MYO1D: variants seen among roughly 807,000 people sequenced by gnomAD.
MYO1D encodes the protein myosin ID.
MYO1D carries 83 observed loss-of-function variants against 122.0 expected under a neutral mutation model. The observed-to-expected ratio is 0.68, with a 90% CI of 0.57 to 0.82. MYO1D has a LOEUF of 0.82. Among genes scored for constraint, MYO1D ranks in the 40% least tolerant of loss-of-function variants. The probability of loss-of-function intolerance (pLI) is 0.00; values close to 1 mark genes in which losing one functional copy is unlikely to be tolerated. For missense variants in MYO1D, 1,157 were observed against 1,269.5 expected (o/e 0.91, Z 1.35); for synonymous variants, 464 against 446.9 (o/e 1.04, Z -0.48).
intron 1 of MYO1D, among the ~76,000 whole-genome samples, chr17:32,791,505 T>A (rs1235101512): frequency 1.3e-5 from 2 of 151,920 alleles, no homozygotes; most frequent in Non-Finnish European, 2.9e-5. Context: ...TAAGAGAAGA[T>A]CCTTGTTCTT....
intron 21 of MYO1D, among the ~76,000 whole-genome samples, chr17:32,547,344 T>C (rs570491313): frequency 6.6e-6 from 1 of 152,328 alleles, no homozygotes; most frequent in Admixed American, 6.5e-5. Flanking sequence ...TTACATTATG[T>C]TTCATGATTT....
chr17:32,748,325 C>T (rs1018006957), intron 12 of MYO1D, among the ~76,000 whole-genome samples: 22 of 152,024 alleles, frequency 1.4e-4, no homozygotes, highest in African/African-American at 5.3e-4. Flanking sequence ...CACCTAGGGG[C>T]CTTTTTATGC....
intron 11 of MYO1D, among the ~76,000 whole-genome samples, chr17:32,750,615 CAATAAATAAATA>C (rs375117230): frequency 3.3e-5 from 5 of 151,644 alleles, no homozygotes; most frequent in Admixed American, 6.6e-5. Flanking sequence ...GACTCTGTCT[CAATAAATAAATA>C]AATAAATAAA....
intron 21 of MYO1D, among the ~76,000 whole-genome samples, chr17:32,525,112 A>G (rs889593321): frequency 2.0e-5 from 3 of 152,222 alleles, no homozygotes; most frequent in Non-Finnish European, 2.9e-5. Context: ...TTTTCTTACC[A>G]TCTGTCAAAT....
intron 1 of MYO1D, among the ~76,000 whole-genome samples, chr17:32,846,731 G>C (rs1277630235): frequency 6.6e-6 from 1 of 152,158 alleles, no homozygotes; most frequent in Non-Finnish European, 1.5e-5. Context: ...TGTAATCCCA[G>C]CACTTTGGGA....
At chr17:32,585,820 T>C (rs1212366816) in intron 21 of MYO1D, among the ~76,000 whole-genome samples, 1 of 151,874 alleles carries the variant, frequency 6.6e-6, no homozygotes, top group Non-Finnish European at 1.5e-5. Flanking sequence ...TTTCTGGTTA[T>C]ACAATTAATA....
At chr17:32,557,773 A>G (rs2087081539) in intron 21 of MYO1D, among the ~76,000 whole-genome samples, 1 of 152,130 alleles carries the variant, frequency 6.6e-6, no homozygotes, top group Admixed American at 6.5e-5. Context: ...TCTGCACTGT[A>G]ACTATGTAAT....
intron 14 of MYO1D, among the ~76,000 whole-genome samples, chr17:32,728,842 C>T (rs184801723): frequency 2.0e-5 from 3 of 152,094 alleles, no homozygotes; most frequent in African/African-American, 7.2e-5. Flanking sequence ...TGGACTATTA[C>T]CAGTACTGAG....
In MYO1D at chr17:32,771,109, A is replaced by G; in HGVS notation, c.714+16T>C. ...CTGATTTTCTATTGGAGCAATCTCA[A>G]AGAGGAAATTCTCACCTTTAATTGA... On this transcript the variant is annotated intron_variant, in intron 6 of 21. Coordinates refer to ENST00000318217, the MANE Select transcript of MYO1D (RefSeq NM_015194.3). 6.4e-7 allele frequency: 1 copy of G among 1,555,818 alleles called. No homozygotes were observed. Among genetic ancestry groups the G allele is most frequent in the Non-Finnish European group, 8.9e-7 (1 of 1,128,336 alleles).
At chr17:32,732,660 A>G (rs970314963) in intron 14 of MYO1D, among the ~76,000 whole-genome samples, 1 of 152,134 alleles carries the variant, frequency 6.6e-6, no homozygotes, top group Admixed American at 6.5e-5. Flanking sequence ...TGCCTTGCTC[A>G]CCCTCTATTT....
chr17:32,546,721 A>G (rs1006152018), intron 21 of MYO1D, among the ~76,000 whole-genome samples: 1 of 152,214 alleles, frequency 6.6e-6, no homozygotes, highest in Non-Finnish European at 1.5e-5. Flanking sequence ...TTGAGACTCC[A>G]AGAAAGGAAT....
chr17:32,524,160 T>C (rs1910256202), intron 21 of MYO1D, among the ~76,000 whole-genome samples: 1 of 149,388 alleles, frequency 6.7e-6, no homozygotes, highest in Non-Finnish European at 1.5e-5. Context: ...TGGGAAAGCA[T>C]ATCTGTTTTC....
chr17:32,550,648 C>T (rs180757600), intron 21 of MYO1D, among the ~76,000 whole-genome samples: 76 of 152,250 alleles, frequency 5.0e-4, no homozygotes, highest in Non-Finnish European at 8.8e-4. Flanking sequence ...TGCGAATATA[C>T]TCTGCCTACT....
At chr17:32,516,016 G>A (rs760586541) in intron 21 of MYO1D, among the ~76,000 whole-genome samples, 5 of 152,210 alleles carry the variant, frequency 3.3e-5, no homozygotes, top group Admixed American at 1.3e-4. Context: ...AATGACAGAG[G>A]CAAAGCAGGC....
chr17:32,624,708 G>C (rs1420644267), intron 20 of MYO1D, among the ~76,000 whole-genome samples: 2 of 151,354 alleles, frequency 1.3e-5, no homozygotes, highest in African/African-American at 2.4e-5. Context: ...TAACGTGGCA[G>C]CTCTCTTTAA....
chr17:32,843,611 G>A (rs1598148783), intron 1 of MYO1D, among the ~76,000 whole-genome samples: 1 of 152,098 alleles, frequency 6.6e-6, no homozygotes, highest in East Asian at 1.9e-4. Context: ...TAGAAGAGAT[G>A]GAAATAAAGG....
At chr17:32,577,859 C>A (rs2087293248) in intron 21 of MYO1D, among the ~76,000 whole-genome samples, 1 of 152,110 alleles carries the variant, frequency 6.6e-6, no homozygotes, top group African/African-American at 2.4e-5. Context: ...CTGCCTCAGC[C>A]TCCTGAGTAG....
chr17:32,700,943 C>CAAAAAAAAA (rs751113475), intron 16 of MYO1D, among the ~76,000 whole-genome samples: 1 of 78,214 alleles, frequency 1.3e-5, no homozygotes, highest in Non-Finnish European at 2.6e-5. Context: ...GACTCCATCT[C>CAAAAAAAAA]AAAAAAAAAA....
chr17:32,664,960 A>G (rs998780373), intron 16 of MYO1D, among the ~76,000 whole-genome samples: 1 of 151,914 alleles, frequency 6.6e-6, no homozygotes, highest in South Asian at 2.1e-4. Context: ...TCCCCACCTC[A>G]TCTCCCGCTG....
Sources: allele counts gnomAD v4.1 joint callset (sites outside exome capture counted in the v4.1 genomes callset), GRCh38; gene constraint gnomAD v4.1.1; transcripts MANE v1.5; gene names NCBI Gene and HGNC (gene_info 2026-07-23, HGNC 2026-07-21).